The following CTNND2 variants were observed in gnomAD, a reference collection of about 807,000 sequenced individuals.
CTNND2 encodes the protein catenin delta-2.
A neutral mutation model predicts 144.4 loss-of-function variants in CTNND2; 22 were observed. That is an observed-to-expected ratio of 0.15 (90% CI 0.11 to 0.22). CTNND2 has a LOEUF of 0.22. Ranked by LOEUF, CTNND2 falls within the 10% of genes least tolerant of loss-of-function variation. CTNND2 has a pLI of 1.00. For synonymous variants in CTNND2, 751 were observed against 695.6 expected, an observed-to-expected ratio of 1.08 and a Z score of -1.25; for missense variants, 1,353 against 1,618.8, an observed-to-expected ratio of 0.84 and a Z score of 2.82.
At chr5:11,206,215 C>T (rs1010184183) in intron 10 of CTNND2, among the ~76,000 whole-genome samples, 5 of 152,134 alleles carry the variant, frequency 3.3e-5, no homozygotes, top group Non-Finnish European at 5.9e-5. Context: ...CGGTATATAT[C>T]GAATAGATCT....
chr5:11,819,516 T>C (rs752590708), intron 1 of CTNND2, among the ~76,000 whole-genome samples: 9 of 152,186 alleles, frequency 5.9e-5, no homozygotes, highest in Non-Finnish European at 1.3e-4. Context: ...GTAATTTTCT[T>C]TCCTGACACT....
intron 3 of CTNND2, among the ~76,000 whole-genome samples, chr5:11,495,892 A>G (rs1470393715): frequency 6.6e-6 from 1 of 152,108 alleles, no homozygotes; most frequent in African/African-American, 2.4e-5. Flanking sequence ...TGACTTCTTC[A>G]CAACCCCTCA....
chr5:11,214,716 A>T (rs1021836563), intron 10 of CTNND2, among the ~76,000 whole-genome samples: 1 of 151,860 alleles, frequency 6.6e-6, no homozygotes, highest in African/African-American at 2.4e-5. Context: ...TCCATCTCTC[A>T]TTATTGTTTC....
intron 3 of CTNND2, among the ~76,000 whole-genome samples, chr5:11,492,695 ATATC>A (rs1561471404): frequency 2.0e-5 from 3 of 151,842 alleles, no homozygotes; most frequent in Non-Finnish European, 4.4e-5. Flanking sequence ...TAATAAAGAT[ATATC>A]TATCATTAAT....
intron 10 of CTNND2, among the ~76,000 whole-genome samples, chr5:11,205,266 T>C (rs1024450194): frequency 2.0e-5 from 3 of 152,134 alleles, no homozygotes; most frequent in African/African-American, 4.8e-5. Context: ...CTATGTACTA[T>C]AGTAATTACT....
intron 11 of CTNND2, among the ~76,000 whole-genome samples, chr5:11,174,964 T>C: frequency 6.6e-6 from 1 of 152,220 alleles, no homozygotes; most frequent in Non-Finnish European, 1.5e-5. Flanking sequence ...TATTATTGAA[T>C]ATGCTGAACA....
intron 1 of CTNND2, among the ~76,000 whole-genome samples, chr5:11,732,481 A>T (rs750822649): frequency 7.2e-5 from 11 of 152,230 alleles, no homozygotes; most frequent in Admixed American, 2.0e-4. Flanking sequence ...ATCAACTCCA[A>T]CCAAATTCCA....
intron 3 of CTNND2, among the ~76,000 whole-genome samples, chr5:11,489,903 A>T (rs146276728): frequency 5.9e-4 from 90 of 152,230 alleles, no homozygotes; most frequent in African/African-American, 2.1e-3. Context: ...GGTTTATTGT[A>T]TTTATTCCAA....
intron 21 of CTNND2, among the ~76,000 whole-genome samples, chr5:10,974,628 G>A (rs993810868): frequency 2.0e-5 from 3 of 152,174 alleles, no homozygotes; most frequent in Non-Finnish European, 2.9e-5. Context: ...AGTGCATACC[G>A]GGATGCACAA....
intron 3 of CTNND2, among the ~76,000 whole-genome samples, chr5:11,421,987 T>C (rs557457103): frequency 6.6e-6 from 1 of 152,234 alleles, no homozygotes; most frequent in South Asian, 2.1e-4. Flanking sequence ...ATAGAACATT[T>C]CCAGGAACAT....
intron 2 of CTNND2, among the ~76,000 whole-genome samples, chr5:11,684,408 T>C (rs1292464480): frequency 1.3e-5 from 2 of 152,154 alleles, no homozygotes; most frequent in Admixed American, 6.5e-5. Flanking sequence ...GGCCTACATG[T>C]TATTTTTAAT....
intron 3 of CTNND2, among the ~76,000 whole-genome samples, chr5:11,422,165 A>G (rs946163139): frequency 2.0e-5 from 3 of 152,148 alleles, no homozygotes; most frequent in African/African-American, 7.2e-5. Context: ...GGACCAATAC[A>G]TATTATCAAA....
In CTNND2 at chr5:11,592,780, C is replaced by T. The variant is rs112690924; in HGVS notation, c.175-27724G>A. On this transcript the variant is annotated intron_variant, in intron 2 of 21. Transcript: ENST00000304623. The stretch of plus-strand genomic sequence containing the variant: ...GGACAGTGGATTCTAAAATTTATAT[C>T]GAAATGCACAGGGCTAAGAAGAGCA... Among the ~76,000 whole-genome samples the T allele has an allele frequency of 8.7e-3, 1,311 of 151,154 alleles. 11 individuals are homozygous for T. Among genetic ancestry groups the T allele is most frequent in the Non-Finnish European group, 0.013 (876 of 67,904 alleles).
At chr5:11,248,909 TTC>T (rs1561090974) in intron 9 of CTNND2, among the ~76,000 whole-genome samples, 1 of 152,228 alleles carries the variant, frequency 6.6e-6, no homozygotes, top group Non-Finnish European at 1.5e-5. Context: ...CTTATCTTAG[TTC>T]TTCGAAGAAT....
chr5:11,671,795 A>G (rs1783885919), intron 2 of CTNND2, among the ~76,000 whole-genome samples: 1 of 152,012 alleles, frequency 6.6e-6, no homozygotes, highest in Non-Finnish European at 1.5e-5. Flanking sequence ...CATCAAACTC[A>G]TTCTCCATCC....
chr5:11,034,429 T>A (rs1290924690), intron 16 of CTNND2, among the ~76,000 whole-genome samples: 1 of 152,148 alleles, frequency 6.6e-6, no homozygotes, highest in East Asian at 1.9e-4. Flanking sequence ...ACCAAATTCC[T>A]CTGAGTAAAA....
chr5:11,168,351 T>A (rs930602026), intron 11 of CTNND2, among the ~76,000 whole-genome samples: 5 of 152,188 alleles, frequency 3.3e-5, no homozygotes, highest in African/African-American at 1.2e-4. Context: ...ACACAGTAGT[T>A]TTTTTAAGTA....
At chr5:11,469,470 G>T (rs955219559) in intron 3 of CTNND2, among the ~76,000 whole-genome samples, 1 of 152,140 alleles carries the variant, frequency 6.6e-6, no homozygotes, top group Non-Finnish European at 1.5e-5. Flanking sequence ...TAACACTGCT[G>T]CATTTATTGG....
At chr5:11,412,148 C>T in intron 3 of CTNND2, 79 bp from the exon 4 acceptor site, 2 of 1,109,996 alleles carry the variant, frequency 1.8e-6, no homozygotes, top group South Asian at 2.5e-5. Context: ...GACACAAAGG[C>T]ATATTAGGGT....
Sources: gnomAD v4.1 joint callset for allele counts (sites outside exome capture counted in the v4.1 genomes callset) on GRCh38, gnomAD v4.1.1 for gene constraint, MANE v1.5 for transcripts, NCBI Gene and HGNC (gene_info 2026-07-23, HGNC 2026-07-21) for gene names.